RBFOX1: variants seen among roughly 807,000 people sequenced by gnomAD.
RBFOX1 encodes the protein RNA binding fox-1 homolog 1.
Under a neutral mutation model 57.7 loss-of-function variants are expected in RBFOX1, and 8 were observed. The observed-to-expected ratio is 0.14, with a 90% CI of 0.08 to 0.25. RBFOX1 has a LOEUF of 0.25. RBFOX1 is among the 10% of genes least tolerant of loss of function. The pLI, the probability that RBFOX1 is intolerant of heterozygous loss-of-function variation, is 1.00. For missense variants in RBFOX1, 611 were observed against 548.5 expected (o/e 1.11, Z -1.14); for synonymous variants, 326 against 222.4 (o/e 1.47, Z -4.15).
In RBFOX1 at chr16:5,496,847, A is replaced by G. The variant is rs551086150; in HGVS notation, c.258+29593A>G. Among the ~76,000 whole-genome samples the G allele has an allele frequency of 9.7e-4, 147 of 152,270 alleles. 3 individuals carry two copies. Among genetic ancestry groups the G allele is most frequent in the Admixed American group, 2.7e-3 (41 of 15,306 alleles). On this transcript the variant is annotated intron_variant, in intron 2 of 2. Coordinates refer to the RBFOX1 transcript ENST00000585867. ...TAAACCACAGCCCAAGCGCTAATCC[A>G]TTTCTGCTCAGTAGAAAGACTCCAA...
At chr16:5,514,684 CAAT>C (rs2043726394) in intron 2 of RBFOX1, among the ~76,000 whole-genome samples, 1 of 151,360 alleles carries the variant, frequency 6.6e-6, no homozygotes, top group South Asian at 2.1e-4. Flanking sequence ...ATTGAAATGA[CAAT>C]GATGTCCACA....
chr16:5,425,265 C>T (rs2067523265), intron 1 of RBFOX1, among the ~76,000 whole-genome samples: 1 of 151,922 alleles, frequency 6.6e-6, no homozygotes, highest in African/African-American at 2.4e-5. Flanking sequence ...ACCACCACGT[C>T]CAGCTAATTT....
At chr16:6,615,963 G>C (rs990879429) in intron 2 of RBFOX1, among the ~76,000 whole-genome samples, 1 of 152,134 alleles carries the variant, frequency 6.6e-6, no homozygotes, top group East Asian at 1.9e-4. Context: ...CCGGTCCCTT[G>C]ACGTTGTAGC....
intron 1 of RBFOX1, among the ~76,000 whole-genome samples, chr16:6,267,202 C>T (rs886238318): frequency 2.0e-5 from 3 of 151,900 alleles, no homozygotes; most frequent in African/African-American, 7.3e-5. Context: ...AAATCTGGGG[C>T]AGTGATCAAA....
At chr16:7,624,795 T>G (rs914743759) in intron 10 of RBFOX1, among the ~76,000 whole-genome samples, 8 of 152,192 alleles carry the variant, frequency 5.3e-5, no homozygotes, top group African/African-American at 1.9e-4. Flanking sequence ...TTTGTGTGAC[T>G]CTGCACCACC....
At chr16:6,211,821 T>TTTTC (rs1279637859) in intron 1 of RBFOX1, among the ~76,000 whole-genome samples, 4 of 58,908 alleles carry the variant, frequency 6.8e-5, no homozygotes, top group African/African-American at 2.3e-4. Flanking sequence ...GAATACATCT[T>TTTTC]TTATTTATTT....
chr16:6,347,428 G>A (rs1366433826), intron 2 of RBFOX1, among the ~76,000 whole-genome samples: 1 of 152,182 alleles, frequency 6.6e-6, no homozygotes. Context: ...ACCCGTGAAG[G>A]TAGATGCTAA....
At chr16:5,421,486 A>C (rs767480420) in intron 1 of RBFOX1, among the ~76,000 whole-genome samples, 35 of 152,064 alleles carry the variant, frequency 2.3e-4, no homozygotes, top group Non-Finnish European at 4.7e-4. Context: ...TCCAGTAGAG[A>C]GAATGGGGTG....
chr16:7,260,891 C>A (rs12051169), intron 4 of RBFOX1, among the ~76,000 whole-genome samples: 12,929 of 152,220 alleles, frequency 0.085, 548 homozygotes, highest in South Asian at 0.12. Context: ...AGTTCTGATG[C>A]AGTCACTGGG....
chr16:6,500,743 G>T (rs889057521), intron 2 of RBFOX1, among the ~76,000 whole-genome samples: 12 of 152,196 alleles, frequency 7.9e-5, no homozygotes, highest in Middle Eastern at 3.4e-3. Context: ...TTGACTGCAT[G>T]TCAAGATGTT....
intron 3 of RBFOX1, among the ~76,000 whole-genome samples, chr16:6,754,519 C>G (rs2075468668): frequency 6.6e-6 from 1 of 152,116 alleles, no homozygotes. Context: ...TCTTCGGGTT[C>G]CCACTGCTCC....
chr16:6,227,593 C>CG (rs2097427691), intron 1 of RBFOX1, among the ~76,000 whole-genome samples: 1 of 150,892 alleles, frequency 6.6e-6, no homozygotes, highest in African/African-American at 2.5e-5. Context: ...TCCTTTCAGG[C>CG]TTCCTCTTGC....
intron 3 of RBFOX1, among the ~76,000 whole-genome samples, chr16:6,680,453 C>T (rs975057103): frequency 9.9e-5 from 15 of 151,776 alleles, no homozygotes; most frequent in Non-Finnish European, 2.1e-4. Context: ...TTAGTAGAGA[C>T]GAGGTTTCAC....
intron 3 of RBFOX1, among the ~76,000 whole-genome samples, chr16:6,896,619 C>T (rs1447885638): frequency 3.3e-5 from 5 of 152,158 alleles, no homozygotes; most frequent in Non-Finnish European, 5.9e-5. Context: ...GCTATGTAAT[C>T]TGCGGACGGT....
chr16:7,193,839 C>G lies in RBFOX1; in HGVS notation c.27+141741C>G, dbSNP rs192238649. Among the ~76,000 whole-genome samples the G allele has an allele frequency of 2.6e-5, 4 of 152,248 alleles. No homozygotes were observed. In the East Asian group the frequency reaches 7.7e-4, roughly 29 times the overall value. On this transcript the variant is annotated intron_variant, in intron 4 of 15. Coordinates refer to ENST00000550418, the MANE Select transcript of RBFOX1 (RefSeq NM_018723.4). ...ATGTATTTACGTAACTCAAAATGATCAGACATGTCACAAGAATGAAAGAAT... is the reference window on the plus strand; with the variant it reads ...ATGTATTTACGTAACTCAAAATGATGAGACATGTCACAAGAATGAAAGAAT...
intron 3 of RBFOX1, among the ~76,000 whole-genome samples, chr16:6,915,651 A>G (rs1023781669): frequency 6.7e-6 from 1 of 149,826 alleles, no homozygotes; most frequent in Admixed American, 6.7e-5. Context: ...CTCGGGTTCA[A>G]GTGATCCTCC....
intron 3 of RBFOX1, among the ~76,000 whole-genome samples, chr16:5,861,835 A>G (rs1157423310): frequency 6.6e-6 from 1 of 152,212 alleles, no homozygotes; most frequent in South Asian, 2.1e-4. Context: ...GGCAGAACAG[A>G]TGAAACCAGA....
chr16:5,479,162 C>T (rs934641974), intron 2 of RBFOX1, among the ~76,000 whole-genome samples: 5 of 152,160 alleles, frequency 3.3e-5, no homozygotes, highest in South Asian at 2.1e-4. Context: ...GAGACTTCCT[C>T]GGCCCTCATT....
At chr16:5,682,625 A>G (rs763352449) in intron 3 of RBFOX1, among the ~76,000 whole-genome samples, 1 of 152,188 alleles carries the variant, frequency 6.6e-6, no homozygotes, top group Non-Finnish European at 1.5e-5. Context: ...CATGCAACTG[A>G]GTTTCATAAT....
Sources: allele counts gnomAD v4.1 joint callset (sites outside exome capture counted in the v4.1 genomes callset), GRCh38; gene constraint gnomAD v4.1.1; transcripts MANE v1.5; gene names NCBI Gene and HGNC (gene_info 2026-07-23, HGNC 2026-07-21).